The following SLC2A13 variants were observed in gnomAD, a reference collection of about 807,000 sequenced individuals.
SLC2A13 encodes solute carrier family 2 member 13, also known as proton myo-inositol cotransporter.
A neutral mutation model predicts 64.4 loss-of-function variants in SLC2A13; 32 were observed. The ratio of observed to expected loss-of-function variants is 0.50; its 90% CI spans 0.37 to 0.67. The LOEUF is 0.67. Ranked by LOEUF, SLC2A13 falls within the 30% of genes least tolerant of loss-of-function variation. The probability of loss-of-function intolerance (pLI) is 0.00; values close to 1 mark genes in which losing one functional copy is unlikely to be tolerated. For synonymous variants in SLC2A13, 338 were observed against 327.1 expected, an observed-to-expected ratio of 1.03 and a Z score of -0.36; for missense variants, 743 against 829.2, an observed-to-expected ratio of 0.90 and a Z score of 1.28.
intron 7 of SLC2A13, among the ~76,000 whole-genome samples, chr12:39,813,293 C>A (rs575698945): frequency 2.6e-5 from 4 of 151,984 alleles, no homozygotes; most frequent in African/African-American, 9.6e-5. Context: ...TTTTGACATA[C>A]ATCAAAATTT....
intron 1 of SLC2A13, among the ~76,000 whole-genome samples, chr12:40,067,823 C>T (rs1343905623): frequency 6.6e-6 from 1 of 152,112 alleles, no homozygotes; most frequent in Non-Finnish European, 1.5e-5. Flanking sequence ...GCATAAAATC[C>T]AATTTTTCTA....
chr12:40,102,276 T>A (rs1489248409), intron 1 of SLC2A13, among the ~76,000 whole-genome samples: 1 of 152,260 alleles, frequency 6.6e-6, no homozygotes, highest in Non-Finnish European at 1.5e-5. Flanking sequence ...TAATGGAAGC[T>A]TAATTAGCAA....
intron 6 of SLC2A13, among the ~76,000 whole-genome samples, chr12:39,833,892 T>TAAAAAAAA (rs1161840484): frequency 1.1e-5 from 1 of 88,402 alleles, no homozygotes. Context: ...AGCATGGTCA[T>TAAAAAAAA]AAAAAAAAAA....
chr12:39,879,369 G>A (rs78656368), intron 4 of SLC2A13, among the ~76,000 whole-genome samples: 8,887 of 152,202 alleles, frequency 0.058, 850 homozygotes, highest in African/African-American at 0.2. Flanking sequence ...TGCACCCTGC[G>A]TCTGGAAAAG....
intron 3 of SLC2A13, among the ~76,000 whole-genome samples, chr12:39,976,707 C>T (rs1946766409): frequency 6.6e-6 from 1 of 152,070 alleles, no homozygotes; most frequent in South Asian, 2.1e-4. Context: ...CCATGTTTCA[C>T]TTTTTAATCA....
chr12:39,807,825 A>G (rs1433653024), intron 7 of SLC2A13, among the ~76,000 whole-genome samples: 1 of 152,150 alleles, frequency 6.6e-6, no homozygotes, highest in Non-Finnish European at 1.5e-5. Flanking sequence ...AACTTTTAAT[A>G]ATCGTACCAG....
Position 39,766,725 on chromosome 12 carries a change from A to G in SLC2A13, c.1446-1867T>C, listed in dbSNP as rs574091384. Among the ~76,000 whole-genome samples, 144 of 152,244 alleles carry G rather than the reference A, an allele frequency of 9.5e-4. 2 individuals are homozygous for G. Among genetic ancestry groups the G allele is most frequent in the African/African-American group, 3.2e-3 (133 of 41,554 alleles). On this transcript the variant is annotated intron_variant, in intron 7 of 9. Coordinates refer to ENST00000280871, the MANE Select transcript of SLC2A13 (RefSeq NM_052885.4). ...CTGTAAATCCTTTGATATCATTTCAACAATGTTCATAGCACTTTCACCAGG... is the reference window on the plus strand; with the variant it reads ...CTGTAAATCCTTTGATATCATTTCAGCAATGTTCATAGCACTTTCACCAGG...
intron 7 of SLC2A13, among the ~76,000 whole-genome samples, chr12:39,809,548 C>T (rs1942080946): frequency 6.6e-6 from 1 of 152,108 alleles, no homozygotes; most frequent in Non-Finnish European, 1.5e-5. Flanking sequence ...GGTACATGTG[C>T]ACAACGTGCA....
chr12:40,058,252 T>C (rs966647705), intron 1 of SLC2A13, among the ~76,000 whole-genome samples: 8 of 152,120 alleles, frequency 5.3e-5, no homozygotes, highest in African/African-American at 1.4e-4. Flanking sequence ...CCTCTAACTA[T>C]AGTCAGTTTT....
chr12:39,963,417 T>C (rs1397736870), intron 3 of SLC2A13, among the ~76,000 whole-genome samples: 1 of 152,098 alleles, frequency 6.6e-6, no homozygotes, highest in Non-Finnish European at 1.5e-5. Flanking sequence ...AAAGAATAAA[T>C]GCATTCTATA....
At position 39,775,839 on chromosome 12, in the gene SLC2A13, A is replaced by G. The variant is rs542774916; in HGVS notation, c.1446-10981T>C. Among the ~76,000 whole-genome samples, 5 of 152,314 alleles carry G rather than the reference A, an allele frequency of 3.3e-5. No homozygotes were observed. The South Asian group carries it at 1.0e-3, about 32-fold the overall frequency. ...CTTATTCAAAATACTTGAGACCAGA[A>G]GTGTTTCAGATTTCAGATTTTGGAA... On this transcript the variant is annotated intron_variant, in intron 7 of 9. Coordinates refer to ENST00000280871, the MANE Select transcript of SLC2A13 (RefSeq NM_052885.4).
intron 1 of SLC2A13, among the ~76,000 whole-genome samples, chr12:40,086,858 T>C (rs537068576): frequency 1.3e-5 from 2 of 152,326 alleles, no homozygotes; most frequent in African/African-American, 4.8e-5. Context: ...GGGAGACCTG[T>C]CAAGCTCATT....
intron 7 of SLC2A13, among the ~76,000 whole-genome samples, chr12:39,782,924 GGTTT>G (rs1566783078): frequency 6.6e-6 from 1 of 152,042 alleles, no homozygotes. Flanking sequence ...ACAATGTGCA[GGTTT>G]GTTATGTATG....
At chr12:39,893,663 T>C (rs1378755748) in intron 4 of SLC2A13, among the ~76,000 whole-genome samples, 1 of 152,180 alleles carries the variant, frequency 6.6e-6, no homozygotes, top group Non-Finnish European at 1.5e-5. Context: ...AAAAGTTAAA[T>C]TCTAACTAGA....
intron 3 of SLC2A13, among the ~76,000 whole-genome samples, chr12:39,959,302 G>A (rs1026470032): frequency 6.6e-5 from 10 of 152,222 alleles, no homozygotes; most frequent in African/African-American, 2.4e-4. Flanking sequence ...ACCCCATGTG[G>A]TTCAATCATT....
intron 7 of SLC2A13, among the ~76,000 whole-genome samples, chr12:39,804,078 T>C (rs1941892902): frequency 6.6e-6 from 1 of 151,892 alleles, no homozygotes; most frequent in Admixed American, 6.6e-5. Flanking sequence ...TGTGTGTAAA[T>C]GTAAACACAC....
At chr12:39,930,647 G>A (rs1945811113) in intron 4 of SLC2A13, among the ~76,000 whole-genome samples, 1 of 152,028 alleles carries the variant, frequency 6.6e-6, no homozygotes, top group African/African-American at 2.4e-5. Context: ...GGAAAGGGAG[G>A]GCCAGGGACA....
At chr12:39,820,695 T>A (rs1942468593) in intron 7 of SLC2A13, among the ~76,000 whole-genome samples, 1 of 147,396 alleles carries the variant, frequency 6.8e-6, no homozygotes, top group Non-Finnish European at 1.5e-5. Context: ...GCATGTATAA[T>A]CTTCGGCTTA....
chr12:40,002,294 G>A (rs1363653661), intron 3 of SLC2A13, among the ~76,000 whole-genome samples: 1 of 152,076 alleles, frequency 6.6e-6, no homozygotes. Context: ...AGAGACAATA[G>A]TGAAGTTAAG....
Sources: gnomAD v4.1 joint callset for allele counts (sites outside exome capture counted in the v4.1 genomes callset) on GRCh38, gnomAD v4.1.1 for gene constraint, MANE v1.5 for transcripts, NCBI Gene and HGNC (gene_info 2026-07-23, HGNC 2026-07-21) for gene names.